The following NUB1 variants were observed in gnomAD, a reference collection of about 807,000 sequenced individuals.
NUB1 encodes negative regulator of ubiquitin like proteins 1, also known as NEDD8 ultimate buster 1.
NUB1 carries 41 observed loss-of-function variants against 77.1 expected under a neutral mutation model. The observed-to-expected ratio is 0.53, with a 90% CI of 0.41 to 0.69. The LOEUF is 0.69. Among genes scored for constraint, NUB1 ranks in the 30% least tolerant of loss-of-function variants. NUB1 has a pLI of 0.00. For missense variants in NUB1, 643 were observed against 743.8 expected (o/e 0.86, Z 1.58); for synonymous variants, 257 against 281.0 (o/e 0.91, Z 0.85).
intron 1 of NUB1, among the ~76,000 whole-genome samples, chr7:151,344,489 T>A (rs75833506): frequency 2.1e-5 from 3 of 140,624 alleles, no homozygotes; most frequent in South Asian, 4.6e-4. Flanking sequence ...TGTTCATATA[T>A]TTTTTTTTTT....
rs561127147 is a variant in NUB1 at position 151,344,180 on chromosome 7, C to CAAAAAAA, written c.-2-1141_-2-1135dup. On this transcript the variant is annotated intron_variant, in intron 1 of 14. Coordinates refer to ENST00000568733, the MANE Select transcript of NUB1 (RefSeq NM_001243351.2). The stretch of plus-strand genomic sequence containing the variant: ...TGGGCGACAGAGTGAGACTCCCTCT[C>CAAAAAAA]AAAAAAAAAAAAAAAAAAAAAAAAA... Among the ~76,000 whole-genome samples the CAAAAAAA allele has an allele frequency of 3.2e-3, 144 of 45,636 alleles. 10 individuals are homozygous for CAAAAAAA. Among genetic ancestry groups the CAAAAAAA allele is most frequent in the African/African-American group, 7.0e-3 (116 of 16,676 alleles). 29.9% of individuals were successfully genotyped at this position (45,636 alleles called of 152,430 possible).
chr7:151,349,337 GA>G, intron 3 of NUB1, 97 bp downstream of exon 3: 2 of 1,053,620 alleles, frequency 1.9e-6, no homozygotes, highest in East Asian at 4.8e-5. Context: ...TCCAAAGTCA[GA>G]ATTCTTTTAA....
At chr7:151,373,534 G>C (rs1798054735) in intron 11 of NUB1, among the ~76,000 whole-genome samples, 1 of 152,212 alleles carries the variant, frequency 6.6e-6, no homozygotes, top group Non-Finnish European at 1.5e-5. Flanking sequence ...TGGGCACTCT[G>C]TGGGTTCCGA....
chr7:151,345,886 A>G (rs552418288), intron 2 of NUB1, among the ~76,000 whole-genome samples: 2 of 152,196 alleles, frequency 1.3e-5, no homozygotes, highest in Non-Finnish European at 2.9e-5. Context: ...TGCTCTCACT[A>G]TCAGTGTTCA....
intron 10 of NUB1, 127 bp from the exon 11 acceptor site, chr7:151,368,608 A>G (rs1797810407): frequency 8.9e-7 from 1 of 1,128,680 alleles, no homozygotes; most frequent in Non-Finnish European, 1.2e-6. Context: ...TAGTTTAGAG[A>G]TTTTATCCAA....
At chr7:151,376,113 GC>G in intron 13 of NUB1, 170 bp downstream of exon 13, 1 of 587,288 alleles carries the variant, frequency 1.7e-6, no homozygotes, top group Non-Finnish European at 3.1e-6. Flanking sequence ...GTAACAGAGG[GC>G]AGGGGAGGCC....
intron 1 of NUB1, among the ~76,000 whole-genome samples, chr7:151,343,690 ACTT>A (rs1293820140): frequency 4.6e-5 from 7 of 152,236 alleles, no homozygotes; most frequent in African/African-American, 1.7e-4. Flanking sequence ...CGCGGTACAT[ACTT>A]CTCTGGGAGA....
rs1453610396 is a variant in NUB1 at position 151,376,740 on chromosome 7, T to C, written c.1598T>C (p.Leu533Pro). 1 of 1,601,298 alleles carries C rather than the reference T, an allele frequency of 6.2e-7. No homozygotes were observed. Among genetic ancestry groups the C allele is most frequent in the Non-Finnish European group, 8.5e-7 (1 of 1,174,846 alleles). The change falls in exon 14 of 15, where the codon CTG (leucine) becomes CCG (proline). Residue 533 changes from leucine to proline, a missense_variant. Physicochemically the swap from Leu to Pro is moderately conservative, Grantham distance 98. Coordinates refer to ENST00000568733, the MANE Select transcript of NUB1 (RefSeq NM_001243351.2). ...AQTLAHNGGS[L>P]PPELPLSPED... The stretch of plus-strand genomic sequence containing the variant: ...ACCCTTGCTCACAACGGAGGAAGCC[T>C]GCCTCCCGAGCTGCCGCTGTCGCCA...
chr7:151,349,021 T>G, intron 2 of NUB1, 52 bp from the exon 3 acceptor site: 1 of 1,543,960 alleles, frequency 6.5e-7, no homozygotes, highest in South Asian at 1.2e-5. Flanking sequence ...TTTTCTATAT[T>G]TTGCCTTTTT....
intron 1 of NUB1, 88 bp from the exon 2 acceptor site, chr7:151,345,260 A>C (rs1796449777): frequency 1.3e-6 from 1 of 781,138 alleles, no homozygotes; most frequent in Non-Finnish European, 2.1e-6. Context: ...AGCTTTGCTT[A>C]CCCAACAAAG....
At chr7:151,352,621 T>G (rs565235544) in intron 4 of NUB1, among the ~76,000 whole-genome samples, 191 bp from the exon 5 acceptor site, 1 of 152,222 alleles carries the variant, frequency 6.6e-6, no homozygotes, top group African/African-American at 2.4e-5. Flanking sequence ...TTTTAAAAAT[T>G]TTTTGTAGAG....
In NUB1 at chr7:151,376,622, G is replaced by A. The variant is rs774554393; in HGVS notation, c.1492-12G>A. The A allele has an allele frequency of 1.3e-5, 21 of 1,598,354 alleles. No individual in the cohort carries two copies. Among genetic ancestry groups the A allele is most frequent in the South Asian group, 3.4e-5 (3 of 89,466 alleles). On this transcript the variant is annotated splice_polypyrimidine_tract_variant and intron_variant, in intron 13 of 14. Transcript: ENST00000568733. ...CAGGGGCTGATGCTGTGACCCCTGC[G>A]CTCTCCCCTAGTTGGTGTACATGGG...
In NUB1 at chr7:151,378,279, C is replaced by G. The variant is rs553251159; in HGVS notation, c.*1054C>G. The G allele has an allele frequency of 1.3e-5, 2 of 152,354 alleles. No individual in the cohort carries two copies. The highest frequency in any genetic ancestry group is 2.1e-4 in the South Asian group (1 of 4,828). The allele number at this position is 152,354 out of a possible 1,614,324, so 9.4% of individuals were successfully genotyped here. A position where few individuals can be genotyped will look rare whatever the true frequency, so the allele number is the denominator to read the frequency against. On this transcript the variant is annotated 3_prime_UTR_variant, in exon 15 of 15. Coordinates refer to ENST00000568733, the MANE Select transcript of NUB1 (RefSeq NM_001243351.2). ...GCCAGGTGCATCCAAGACTTTCCCT[C>G]CCTTCCAGAAGGCACTGACTGAAGA...
intron 9 of NUB1, 69 bp downstream of exon 9, chr7:151,367,194 A>C (rs1797731901): frequency 2.3e-6 from 3 of 1,328,870 alleles, no homozygotes; most frequent in Non-Finnish European, 3.2e-6. Context: ...TTCCTGTTAA[A>C]GTATTTGAAC....
At position 151,367,046 on chromosome 7, in the gene NUB1, C is replaced by T. The variant is rs778853589; in HGVS notation, c.908C>T (p.Ala303Val). 2.5e-5 allele frequency: 40 copies of T among 1,613,412 alleles called. No individual in the cohort carries two copies. The highest frequency in any genetic ancestry group is 3.2e-5 in the Non-Finnish European group (38 of 1,179,758). Reference sequence around the variant, plus strand: ...GAACAGCTGGAATGCCTTGATGATGCAGAAAAAAAATTAAACTTGGCCCAG... The same window carrying T: ...GAACAGCTGGAATGCCTTGATGATGTAGAAAAAAAATTAAACTTGGCCCAG... ...RLEQLECLDD[A>V]EKKLNLAQKC... The change falls in exon 9 of 15, where the codon GCA (alanine) becomes GTA (valine). Residue 303 changes from alanine to valine, a missense_variant. Physicochemically the swap from Ala to Val is moderately conservative, Grantham distance 64. Coordinates refer to ENST00000568733, the MANE Select transcript of NUB1 (RefSeq NM_001243351.2).
At chr7:151,351,869 T>G (rs1796811400) in intron 4 of NUB1, among the ~76,000 whole-genome samples, 1 of 151,910 alleles carries the variant, frequency 6.6e-6, no homozygotes, top group South Asian at 2.1e-4. Context: ...TGCTATGACC[T>G]TCAGCACGGT....
At chr7:151,371,153 A>G (rs1797939052) in intron 11 of NUB1, among the ~76,000 whole-genome samples, 1 of 152,192 alleles carries the variant, frequency 6.6e-6, no homozygotes, top group Non-Finnish European at 1.5e-5. Flanking sequence ...CTTCCACCCA[A>G]CAGATGTTGT....
Position 151,341,823 on chromosome 7 carries a change from C to T in NUB1, c.-26C>T. The stretch of plus-strand genomic sequence containing the variant: ...TGCCGCATCCGGGCACTCTGCTGGT[C>T]GCGGCGGGAGTGGCGTGGCGCAGGT... On this transcript the variant is annotated 5_prime_UTR_variant, in exon 1 of 15. Transcript: ENST00000568733. 4 of 1,507,354 alleles carry T rather than the reference C, an allele frequency of 2.7e-6. 1 individual carries two copies. The South Asian group carries it at 4.9e-5, about 19-fold the overall frequency. The allele number at this position is 1,507,354 out of a possible 1,614,324, so 93.4% of individuals were successfully genotyped here.
At chr7:151,367,751 A>G in intron 9 of NUB1, 110 bp from the exon 10 acceptor site, 1 of 671,814 alleles carries the variant, frequency 1.5e-6, no homozygotes, top group Non-Finnish European at 2.5e-6. Flanking sequence ...GGACATTTTA[A>G]TACCTATCAT....
Sources: allele counts gnomAD v4.1 joint callset (sites outside exome capture counted in the v4.1 genomes callset), GRCh38; gene constraint gnomAD v4.1.1; transcripts MANE v1.5; gene names NCBI Gene and HGNC (gene_info 2026-07-23, HGNC 2026-07-21).